PALM2AKAP2: variants seen among roughly 807,000 people sequenced by gnomAD.
PALM2AKAP2 encodes PALM2-AKAP2 fusion protein.
PALM2AKAP2 carries 37 observed loss-of-function variants against 71.5 expected under a neutral mutation model. The ratio of observed to expected loss-of-function variants is 0.52; its 90% CI spans 0.40 to 0.68. The LOEUF (loss-of-function observed/expected upper bound fraction) is 0.68. PALM2AKAP2 is among the 30% of genes least tolerant of loss of function. PALM2AKAP2 has a pLI of 0.00. For synonymous variants in PALM2AKAP2, 468 were observed against 478.8 expected (o/e 0.98, Z 0.29); for missense variants, 1,224 against 1,191.8 (o/e 1.03, Z -0.40).
intron 1 of PALM2AKAP2, among the ~76,000 whole-genome samples, chr9:109,837,149 A>T (rs1828504455): frequency 6.6e-6 from 1 of 152,242 alleles, no homozygotes; most frequent in Non-Finnish European, 1.5e-5. Context: ...TTACCCACAA[A>T]GGGAAGCCCA....
chr9:109,970,346 A>G (rs775787019), intron 6 of PALM2AKAP2, among the ~76,000 whole-genome samples: 8 of 152,246 alleles, frequency 5.3e-5, no homozygotes, highest in Non-Finnish European at 1.0e-4. Flanking sequence ...GTCACCGATC[A>G]GTAACCAACT....
chr9:110,170,405 GCTT>G (rs1836833336), exon 4 of PALM2AKAP2: 1 of 152,452 alleles, frequency 6.6e-6, no homozygotes, highest in Non-Finnish European at 1.5e-5. Flanking sequence ...CATTTCCTTT[GCTT>G]CTTTTATTAG....
chr9:109,851,681 A>G (rs1156462226), intron 1 of PALM2AKAP2, among the ~76,000 whole-genome samples: 4 of 152,200 alleles, frequency 2.6e-5, no homozygotes, highest in Non-Finnish European at 5.9e-5. Context: ...CACCATCATG[A>G]TCACAGTCAA....
At chr9:110,028,574 G>A (rs1025641898) in intron 7 of PALM2AKAP2, among the ~76,000 whole-genome samples, 2 of 152,178 alleles carry the variant, frequency 1.3e-5, no homozygotes, top group Admixed American at 6.5e-5. Context: ...CAAAGTGAGT[G>A]TGTGGTGGAG....
chr9:109,779,257 G>T (rs570733291), upstream of PALM2AKAP2, among the ~76,000 whole-genome samples: 32 of 152,238 alleles, frequency 2.1e-4, no homozygotes, highest in African/African-American at 7.2e-4. Context: ...TTTGGACTGG[G>T]CCTGATCCAC....
exon 1 of PALM2AKAP2, chr9:109,780,532 C>A: frequency 1.2e-6 from 2 of 1,613,628 alleles, no homozygotes; most frequent in Admixed American, 1.7e-5. Flanking sequence ...CAAGCCATAG[C>A]AGTAAGTCCA....
At chr9:110,112,946 C>A (rs570001346) in intron 1 of PALM2AKAP2, among the ~76,000 whole-genome samples, 1 of 152,364 alleles carries the variant, frequency 6.6e-6, no homozygotes, top group Admixed American at 6.5e-5. Flanking sequence ...AGGTTATGAG[C>A]ACCTCATCAT....
At chr9:109,800,928 A>T (rs909166992) in intron 1 of PALM2AKAP2, among the ~76,000 whole-genome samples, 1 of 152,216 alleles carries the variant, frequency 6.6e-6, no homozygotes. Context: ...CAACTGGCTT[A>T]TGTGTCAGTG....
intron 6 of PALM2AKAP2, among the ~76,000 whole-genome samples, chr9:110,004,589 T>A (rs569004406): frequency 1.3e-5 from 2 of 152,290 alleles, no homozygotes; most frequent in African/African-American, 4.8e-5. Context: ...CTTGCTAGAT[T>A]GGGGAAGTTC....
chr9:110,119,245 A>AGTG lies in PALM2AKAP2; in HGVS notation c.157-16882_157-16881insGTG, dbSNP rs1406482799. ...GTAGGCCCAGCTGCTCGGGAGGCTGAAGCAGGAGATTTGCTTGAACCCGGG... is the reference window on the plus strand; with the variant it reads ...GTAGGCCCAGCTGCTCGGGAGGCTGAGTGAGCAGGAGATTTGCTTGAACCCGGG... On this transcript the variant is annotated intron_variant, in intron 1 of 3. Coordinates refer to ENST00000374525, the Ensembl canonical transcript of PALM2AKAP2. Among the ~76,000 whole-genome samples, 8 of 151,318 alleles carry AGTG rather than the reference A, an allele frequency of 5.3e-5. No individual in the cohort carries two copies. In the East Asian group the frequency reaches 1.4e-3, roughly 26 times the overall value.
At chr9:110,125,063 C>T (rs934814696) in intron 1 of PALM2AKAP2, among the ~76,000 whole-genome samples, 4 of 152,124 alleles carry the variant, frequency 2.6e-5, no homozygotes, top group Admixed American at 6.5e-5. Flanking sequence ...CACAGACACA[C>T]GCACACATGC....
intron 1 of PALM2AKAP2, among the ~76,000 whole-genome samples, chr9:109,689,073 C>T (rs1827842656): frequency 1.3e-5 from 2 of 152,110 alleles, no homozygotes; most frequent in African/African-American, 4.8e-5. Flanking sequence ...GGATCACATT[C>T]CCATAAGAGG....
In PALM2AKAP2 at chr9:110,082,836, A is replaced by G. The variant is rs1023319577; in HGVS notation, c.156+33981A>G. ...TCATTTTCCCAAACTGAAACTCTGT[A>G]CCCATTAAACAATGACTCTGTAGGG... On this transcript the variant is annotated intron_variant, in intron 1 of 3. Transcript: ENST00000374525. Among the ~76,000 whole-genome samples, 7 of 152,282 alleles carry G rather than the reference A, an allele frequency of 4.6e-5. No homozygotes were observed. The East Asian group carries it at 5.8e-4, about 13-fold the overall frequency.
chr9:110,070,435 T>C (rs1046562941), intron 1 of PALM2AKAP2, among the ~76,000 whole-genome samples: 1 of 151,938 alleles, frequency 6.6e-6, no homozygotes, highest in Non-Finnish European at 1.5e-5. Flanking sequence ...CTAAAAAGTT[T>C]TAGAAACTAA....
chr9:109,962,925 T>G (rs750398008), intron 6 of PALM2AKAP2, among the ~76,000 whole-genome samples: 8 of 152,198 alleles, frequency 5.3e-5, no homozygotes, highest in Non-Finnish European at 1.0e-4. Flanking sequence ...TAACATAGAT[T>G]ATCTTATTTA....
At chr9:109,657,756 G>A (rs2132238581) in intron 1 of PALM2AKAP2, among the ~76,000 whole-genome samples, 1 of 152,234 alleles carries the variant, frequency 6.6e-6, no homozygotes, top group Admixed American at 6.5e-5. Flanking sequence ...CAGAAGGCTA[G>A]GTAACTGAGT....
At chr9:109,703,111 G>A (rs1272382327) in intron 1 of PALM2AKAP2, among the ~76,000 whole-genome samples, 1 of 152,126 alleles carries the variant, frequency 6.6e-6, no homozygotes. Context: ...GAGCCACTGT[G>A]CCTGGCCTAT....
exon 2 of PALM2AKAP2, chr9:110,136,439 G>C: frequency 6.2e-7 from 1 of 1,614,196 alleles, no homozygotes; most frequent in Non-Finnish European, 8.5e-7. Flanking sequence ...CTGTGATTCT[G>C]CTGTGGATGG....
At chr9:109,998,629 G>A (rs541453770) in intron 6 of PALM2AKAP2, among the ~76,000 whole-genome samples, 3 of 141,348 alleles carry the variant, frequency 2.1e-5, no homozygotes, top group Non-Finnish European at 3.1e-5. Context: ...ACCAGGGCGG[G>A]GGAGTGGGGA....
Sources: gnomAD v4.1 joint callset for allele counts (sites outside exome capture counted in the v4.1 genomes callset) on GRCh38, gnomAD v4.1.1 for gene constraint, MANE v1.5 for transcripts, NCBI Gene and HGNC (gene_info 2026-07-23, HGNC 2026-07-21) for gene names.